The following ZNF705A variants were observed in gnomAD, a reference collection of about 807,000 sequenced individuals.
ZNF705A encodes the protein zinc finger protein 705A.
ZNF705A carries 8 observed loss-of-function variants against 16.6 expected under a neutral mutation model. That is an observed-to-expected ratio of 0.48 (90% confidence interval 0.28 to 0.87). The LOEUF (loss-of-function observed/expected upper bound fraction) is 0.87. Among genes scored for constraint, ZNF705A ranks in the 40% least tolerant of loss-of-function variants. The pLI is 0.10. For synonymous variants in ZNF705A, 73 were observed against 117.3 expected, an observed-to-expected ratio of 0.62 and a Z score of 2.44; for missense variants, 233 against 359.9, an observed-to-expected ratio of 0.65 and a Z score of 2.85.
At chr12:8,165,450 ATTTTTTT>A (rs57581482) in intron 1 of ZNF705A, among the ~76,000 whole-genome samples, 1 of 81,948 alleles carries the variant, frequency 1.2e-5, no homozygotes, top group African/African-American at 4.6e-5. Flanking sequence ...GCCCAGCTAA[ATTTTTTT>A]TTTTTTTTTT....
chr12:8,161,818 A>G (rs1203086745), intron 1 of ZNF705A, among the ~76,000 whole-genome samples: 2 of 152,182 alleles, frequency 1.3e-5, no homozygotes, highest in East Asian at 1.9e-4. Context: ...TAGCCTTCCT[A>G]TAAAAAATCC....
intron 1 of ZNF705A, among the ~76,000 whole-genome samples, chr12:8,164,986 C>A (rs1191644392): frequency 6.6e-6 from 1 of 152,152 alleles, no homozygotes; most frequent in African/African-American, 2.4e-5. Context: ...TCAACGGCCT[C>A]ATCAGCAGGT....
upstream of ZNF705A, among the ~76,000 whole-genome samples, chr12:8,167,666 T>C (rs10743248): frequency 0.54 from 82,535 of 151,900 alleles, 22,622 homozygotes; most frequent in Non-Finnish European, 0.57. Context: ...TGTGAACTGG[T>C]CTCATTCCCT....
chr12:8,157,433 A>AG (rs1948318708), intron 1 of ZNF705A, among the ~76,000 whole-genome samples: 2 of 152,256 alleles, frequency 1.3e-5, no homozygotes, highest in Admixed American at 1.3e-4. Context: ...AGGCTGCCTG[A>AG]GGGGGAAAAA....
At chr12:8,174,172 GCAGATAC>G (rs1250366827) in intron 1 of ZNF705A, among the ~76,000 whole-genome samples, 147 bp from the exon 3 acceptor site, 5 of 152,134 alleles carry the variant, frequency 3.3e-5, no homozygotes, top group Admixed American at 6.6e-5. Flanking sequence ...AATCTGAAAG[GCAGATAC>G]CAGCTTAGTA....
chr12:8,166,777 A>T (rs2120709578), intron 1 of ZNF705A, among the ~76,000 whole-genome samples: 2 of 152,310 alleles, frequency 1.3e-5, no homozygotes, highest in Middle Eastern at 6.8e-3. Flanking sequence ...CTGGAGCTGG[A>T]GTGGCTGAGA....
chr12:8,165,152 AG>A (rs1948387395), intron 1 of ZNF705A, among the ~76,000 whole-genome samples: 1 of 152,158 alleles, frequency 6.6e-6, no homozygotes, highest in Non-Finnish European at 1.5e-5. Flanking sequence ...AAGAGTTATC[AG>A]GTGATATTTC....
chr12:8,165,930 G>A (rs1383111554), intron 1 of ZNF705A, among the ~76,000 whole-genome samples: 1 of 152,140 alleles, frequency 6.6e-6, no homozygotes, highest in African/African-American at 2.4e-5. Flanking sequence ...GGGCATCTAG[G>A]TTGATTCCAT....
At chr12:8,173,188 T>C (rs1466404325) in intron 1 of ZNF705A, among the ~76,000 whole-genome samples, 1 of 152,246 alleles carries the variant, frequency 6.6e-6, no homozygotes, top group African/African-American at 2.4e-5. Context: ...AAAGAAGAGT[T>C]TGATAAAATA....
chr12:8,178,774 G>C (rs1948507762), exon 5 of ZNF705A: 1 of 152,234 alleles, frequency 6.6e-6, no homozygotes, highest in Non-Finnish European at 1.5e-5. Context: ...AACTTAGTAT[G>C]TTGGCGAAGC....
At chr12:8,170,839 A>G (rs1468785177), upstream of ZNF705A, among the ~76,000 whole-genome samples, 4 of 152,206 alleles carry the variant, frequency 2.6e-5, no homozygotes, top group East Asian at 7.7e-4. Context: ...GGAATAAGAA[A>G]AAAGTTGATA....
chr12:8,161,038 G>C (rs1007995544), intron 1 of ZNF705A, among the ~76,000 whole-genome samples: 1 of 152,128 alleles, frequency 6.6e-6, no homozygotes, highest in South Asian at 2.1e-4. Context: ...ATCATAAATC[G>C]ATGCTGGATT....
rs769148361 is a variant in ZNF705A, at chr12:8,177,469, A to C, written c.789A>C (p.Lys263Asn). Residue 263 changes from lysine to asparagine, a missense_variant, in exon 5 of 5, where the codon AAA (lysine) becomes AAC (asparagine). Transcript: ENST00000359286. ...GTTATGAATGTGATAAAAGTGGGAA[A>C]GCCTTTAGTCAAAGCTCTGGCTTTA... The C allele has an allele frequency of 1.7e-5, 28 of 1,612,266 alleles. No individual in the cohort carries two copies. In the African/African-American group the frequency reaches 2.9e-4, roughly 17 times the overall value.
intron 1 of ZNF705A, among the ~76,000 whole-genome samples, chr12:8,164,913 T>C (rs990594200): frequency 2.0e-5 from 3 of 152,226 alleles, no homozygotes; most frequent in Non-Finnish European, 4.4e-5. Context: ...ATCACCATAC[T>C]GTCTTCCACA....
chr12:8,165,503 C>G (rs1948392857), intron 1 of ZNF705A, among the ~76,000 whole-genome samples: 2 of 137,120 alleles, frequency 1.5e-5, no homozygotes, highest in African/African-American at 2.7e-5. Context: ...ATCGTGTTAG[C>G]CAGATCTTTG....
At chr12:8,160,682 T>C (rs1948347340) in intron 1 of ZNF705A, among the ~76,000 whole-genome samples, 1 of 152,016 alleles carries the variant, frequency 6.6e-6, no homozygotes, top group South Asian at 2.1e-4. Flanking sequence ...ATCTTATATC[T>C]AGAAGCTTTG....
intron 1 of ZNF705A, among the ~76,000 whole-genome samples, chr12:8,159,451 C>T (rs756929492): frequency 2.6e-5 from 4 of 152,192 alleles, no homozygotes; most frequent in South Asian, 2.1e-4. Context: ...CCCTGATTAC[C>T]GCATCCATGT....
At chr12:8,176,516 G>A (rs1039943486) in intron 4 of ZNF705A, among the ~76,000 whole-genome samples, 2 of 152,186 alleles carry the variant, frequency 1.3e-5, no homozygotes, top group African/African-American at 4.8e-5. Context: ...TTTCACATAA[G>A]ATGACATAAA....
rs376895768 is a variant in ZNF705A, at chr12:8,162,658, C to T, written c.-72+5566C>T. Reference sequence around the variant, plus strand: ...CAGCTGCAGTCCCTATCTTCTCCCACGGAGAGCAAGAAAAGTTAAAAGAAG... The same window carrying T: ...CAGCTGCAGTCCCTATCTTCTCCCATGGAGAGCAAGAAAAGTTAAAAGAAG... On this transcript the variant is annotated intron_variant, in intron 1 of 5. Coordinates refer to the ZNF705A transcript ENST00000396570. Among the ~76,000 whole-genome samples, 14 of 152,198 alleles carry T rather than the reference C, an allele frequency of 9.2e-5. 1 individual carries two copies. In the South Asian group the frequency reaches 2.7e-3, roughly 29 times the overall value.
Sources: gnomAD v4.1 joint callset for allele counts (sites outside exome capture counted in the v4.1 genomes callset) on GRCh38, gnomAD v4.1.1 for gene constraint, MANE v1.5 for transcripts, NCBI Gene and HGNC (gene_info 2026-07-23, HGNC 2026-07-21) for gene names.